Variants in NRXN3 observed in about 807,000 individuals in gnomAD.
NRXN3 encodes the protein neurexin 3.
Under a neutral mutation model 137.6 loss-of-function variants are expected in NRXN3, and 32 were observed. That is an observed-to-expected ratio of 0.23 (90% CI 0.18 to 0.31). NRXN3 has a LOEUF of 0.31. Ranked by LOEUF, NRXN3 falls within the 10% of genes least tolerant of loss-of-function variation. The pLI is 1.00. For synonymous variants in NRXN3, 798 were observed against 784.5 expected (o/e 1.02, Z -0.29); for missense variants, 1,574 against 2,062.5 (o/e 0.76, Z 4.59).
chr14:78,948,909 G>A (rs1413474031), intron 10 of NRXN3, among the ~76,000 whole-genome samples: 3 of 152,044 alleles, frequency 2.0e-5, no homozygotes, highest in Non-Finnish European at 4.4e-5. Context: ...TTTCAGACAG[G>A]CTGACTAGGG....
At chr14:79,386,711 G>T (rs1397625977) in intron 15 of NRXN3, among the ~76,000 whole-genome samples, 4 of 151,978 alleles carry the variant, frequency 2.6e-5, no homozygotes, top group Non-Finnish European at 5.9e-5. Context: ...ATACTACAAG[G>T]CTACAGTAAC....
intron 15 of NRXN3, among the ~76,000 whole-genome samples, chr14:79,376,533 C>G (rs36007297): frequency 0.26 from 39,117 of 151,876 alleles, 5,965 homozygotes; most frequent in Admixed American, 0.37. Flanking sequence ...CAGCTCATTA[C>G]ATGAATTCAA....
chr14:79,768,084 C>T (rs2099062485), intron 19 of NRXN3, among the ~76,000 whole-genome samples: 1 of 152,214 alleles, frequency 6.6e-6, no homozygotes. Context: ...AAATGGCGCA[C>T]CAGGAGATTA....
At chr14:79,514,872 C>T (rs191729599) in intron 16 of NRXN3, among the ~76,000 whole-genome samples, 8 of 141,516 alleles carry the variant, frequency 5.7e-5, no homozygotes, top group South Asian at 2.1e-4. Flanking sequence ...TGGAATGATG[C>T]GTTTTCTCTC....
intron 10 of NRXN3, among the ~76,000 whole-genome samples, chr14:78,948,001 C>T (rs192305256): frequency 5.9e-5 from 9 of 152,304 alleles, no homozygotes; most frequent in East Asian, 1.9e-4. Flanking sequence ...CTACCTCATG[C>T]GGTTGCTGTA....
Position 78,957,234 on chromosome 14 carries a change from A to G in NRXN3, c.2276-8A>G. 1.9e-6 allele frequency: 3 copies of G among 1,613,282 alleles called. No individual in the cohort carries two copies. The highest frequency in any genetic ancestry group is 2.5e-6 in the Non-Finnish European group (3 of 1,179,672). ...GATTCTAACTTTGGCACTTACTACCATCCTTAGGCAAAGGACCAGAGACCT... is the reference window on the plus strand; with the variant it reads ...GATTCTAACTTTGGCACTTACTACCGTCCTTAGGCAAAGGACCAGAGACCT... On this transcript the variant is annotated splice_region_variant and splice_polypyrimidine_tract_variant and intron_variant, in intron 10 of 20. Coordinates refer to ENST00000335750, the MANE Select transcript of NRXN3 (RefSeq NM_001330195.2).
At chr14:79,158,778 C>G (rs1323752246) in intron 15 of NRXN3, among the ~76,000 whole-genome samples, 3 of 151,794 alleles carry the variant, frequency 2.0e-5, no homozygotes, top group Non-Finnish European at 4.4e-5. Flanking sequence ...CCTTAAAGAA[C>G]TGAAGGTCCT....
At chr14:79,329,683 A>G (rs550570316) in intron 15 of NRXN3, among the ~76,000 whole-genome samples, 50 of 152,308 alleles carry the variant, frequency 3.3e-4, no homozygotes, top group African/African-American at 1.1e-3. Flanking sequence ...AGATGAGAAT[A>G]TGTGAGCCTT....
rs937438086 is a variant in NRXN3, at chr14:79,100,936, A to G, written c.3262+112795A>G. ...TAAAAAAAATAGATAGATCTTATGG[A>G]TTGATGTGAATGTTGAAACAGAAGC... On this transcript the variant is annotated intron_variant, in intron 15 of 20. Transcript: ENST00000335750. Among the ~76,000 whole-genome samples the G allele has an allele frequency of 3.9e-5, 6 of 152,264 alleles. No homozygotes were observed. The East Asian group carries it at 1.2e-3, about 29-fold the overall frequency.
chr14:78,386,019 A>G (rs2089917771), intron 4 of NRXN3, among the ~76,000 whole-genome samples: 1 of 151,928 alleles, frequency 6.6e-6, no homozygotes, highest in Non-Finnish European at 1.5e-5. Context: ...AAGGAGCTCT[A>G]AGGTATTAGA....
At chr14:79,270,180 C>T (rs746057414) in intron 15 of NRXN3, among the ~76,000 whole-genome samples, 1 of 152,202 alleles carries the variant, frequency 6.6e-6, no homozygotes, top group Non-Finnish European at 1.5e-5. Context: ...AGGCATCTCT[C>T]ACTTGAGCAT....
At chr14:79,692,679 CAAAACAA>C (rs2098720839) in intron 18 of NRXN3, among the ~76,000 whole-genome samples, 1 of 151,366 alleles carries the variant, frequency 6.6e-6, no homozygotes, top group Admixed American at 6.6e-5. Flanking sequence ...GCATGCTTAA[CAAAACAA>C]AAAACAAACA....
rs1415171408 is a variant in NRXN3, at chr14:79,864,657, A to G, written c.*2693A>G. The G allele has an allele frequency of 1.3e-5, 2 of 152,108 alleles. No individual in the cohort carries two copies. Among genetic ancestry groups the G allele is most frequent in the African/African-American group, 4.8e-5 (2 of 41,430 alleles). The allele number at this position is 152,108 out of a possible 1,614,324, so 9.4% of individuals were successfully genotyped here. A position where few individuals can be genotyped will look rare whatever the true frequency, so the allele number is the denominator to read the frequency against. On this transcript the variant is annotated 3_prime_UTR_variant, in exon 21 of 21. Coordinates refer to ENST00000335750, the MANE Select transcript of NRXN3 (RefSeq NM_001330195.2). ...TGATAGAATAACCAGGAGGGAGTGCATTTTTCTGGAAAGATGATAGAAACA... is the reference window on the plus strand; with the variant it reads ...TGATAGAATAACCAGGAGGGAGTGCGTTTTTCTGGAAAGATGATAGAAACA...
intron 4 of NRXN3, among the ~76,000 whole-genome samples, chr14:78,540,431 C>T: frequency 7.5e-6 from 1 of 133,366 alleles, no homozygotes; most frequent in African/African-American, 2.7e-5. Flanking sequence ...GATTGCAACC[C>T]CTGCTTTTTT....
intron 11 of NRXN3, among the ~76,000 whole-genome samples, chr14:78,964,863 G>A (rs1427210024): frequency 6.6e-6 from 1 of 151,388 alleles, no homozygotes; most frequent in Non-Finnish European, 1.5e-5. Flanking sequence ...GGTAATACAA[G>A]TTCTAAATAG....
At chr14:78,717,919 A>T (rs1410150793) in intron 8 of NRXN3, among the ~76,000 whole-genome samples, 1 of 152,208 alleles carries the variant, frequency 6.6e-6, no homozygotes, top group Admixed American at 6.5e-5. Flanking sequence ...GGCCACTTCT[A>T]TATGGAAGGA....
intron 1 of NRXN3, among the ~76,000 whole-genome samples, chr14:78,176,796 T>C (rs562965863): frequency 1.0e-3 from 157 of 151,920 alleles, no homozygotes; most frequent in Non-Finnish European, 1.8e-3. Flanking sequence ...GCTGCTGCTG[T>C]GGGGGCTGCC....
chr14:79,716,817 T>C (rs1040874532), intron 19 of NRXN3, among the ~76,000 whole-genome samples: 1 of 152,186 alleles, frequency 6.6e-6, no homozygotes, highest in Admixed American at 6.5e-5. Context: ...ACGCTGGAGA[T>C]TATGCCTCCT....
At chr14:79,023,505 T>A (rs2099593171) in intron 15 of NRXN3, among the ~76,000 whole-genome samples, 1 of 151,980 alleles carries the variant, frequency 6.6e-6, no homozygotes, top group African/African-American at 2.4e-5. Context: ...TGTGTTGGGA[T>A]TAAGTGAAGG....
Sources: allele counts gnomAD v4.1 joint callset (sites outside exome capture counted in the v4.1 genomes callset), GRCh38; gene constraint gnomAD v4.1.1; transcripts MANE v1.5; gene names NCBI Gene and HGNC (gene_info 2026-07-23, HGNC 2026-07-21).